The following SLCO1C1 variants were observed in gnomAD, a reference collection of about 807,000 sequenced individuals.
SLCO1C1 encodes OAT-RP-5.
SLCO1C1 carries 70 observed loss-of-function variants against 76.4 expected under a neutral mutation model. The ratio of observed to expected loss-of-function variants is 0.92; its 90% CI spans 0.76 to 1.12. The LOEUF (loss-of-function observed/expected upper bound fraction) is 1.12. SLCO1C1 is among the 50% of genes most tolerant of loss of function. SLCO1C1 has a pLI of 0.00. For missense variants in SLCO1C1, 912 were observed against 823.8 expected (o/e 1.11, Z -1.31); for synonymous variants, 306 against 286.1 (o/e 1.07, Z -0.70).
At chr12:20,742,079 A>G (rs1242972232) in intron 12 of SLCO1C1, among the ~76,000 whole-genome samples, 1 of 152,210 alleles carries the variant, frequency 6.6e-6, no homozygotes, top group Non-Finnish European at 1.5e-5. Flanking sequence ...GCTTTCACCA[A>G]ATATGGGAAA....
chr12:20,724,437 ATATATATATATATATG>A (rs1204703382), intron 9 of SLCO1C1, among the ~76,000 whole-genome samples: 3,720 of 125,408 alleles, frequency 0.03, 145 homozygotes, highest in African/African-American at 0.1. Flanking sequence ...ATATATATAT[ATATATATATATATATG>A]TGTGTGTGTG....
In SLCO1C1 at chr12:20,752,446, C is replaced by A; in HGVS notation, c.2057C>A (p.Thr686Lys). 2 of 1,613,372 alleles carry A rather than the reference C, an allele frequency of 1.2e-6. No homozygotes were observed. The highest frequency in any genetic ancestry group is 1.7e-6 in the Non-Finnish European group (2 of 1,179,586). Reference protein sequence around the residue: ...ITKRERTMVSTRFQKENYTTS... With the variant: ...ITKRERTMVSKRFQKENYTTS... Reference sequence around the variant, plus strand: ...AAGAGAGAAAGAACAATGGTGTCTACAAGATTCCAAAAGGAAAATTACACT... The same window carrying A: ...AAGAGAGAAAGAACAATGGTGTCTAAAAGATTCCAAAAGGAAAATTACACT... Residue 686 changes from threonine (T) to lysine (K), a missense_variant, in exon 15 of 15, where the codon ACA becomes AAA. Thr to Lys is a moderately conservative substitution (Grantham distance 78, BLOSUM62 -1). Coordinates refer to ENST00000266509, the MANE Select transcript of SLCO1C1 (RefSeq NM_017435.5).
Position 20,740,164 on chromosome 12 carries a change from T to A in SLCO1C1, c.1549-20T>A. On this transcript the variant is annotated intron_variant, in intron 11 of 14. Coordinates refer to ENST00000266509, the MANE Select transcript of SLCO1C1 (RefSeq NM_017435.5). The stretch of plus-strand genomic sequence containing the variant: ...TTAAATGTTACTGAAATAATTGGAC[T>A]TTTCCCTATCGTGTTACAGATATTT... 6.3e-7 allele frequency: 1 copy of A among 1,585,848 alleles called. No individual in the cohort carries two copies. Among genetic ancestry groups the A allele is most frequent in the Non-Finnish European group, 8.6e-7 (1 of 1,168,568 alleles).
intron 12 of SLCO1C1, among the ~76,000 whole-genome samples, chr12:20,742,320 GAAGAA>G (rs1220336031): frequency 7.2e-6 from 1 of 138,770 alleles, no homozygotes; most frequent in Non-Finnish European, 1.6e-5. Flanking sequence ...TTGGGTTGAA[GAAGAA>G]AAGTCATGTT....
chr12:20,752,156 A>C (rs1949335659), intron 14 of SLCO1C1, 150 bp from the exon 15 acceptor site: 1 of 511,972 alleles, frequency 2.0e-6, no homozygotes, highest in Admixed American at 3.6e-5. Context: ...TGCCTTCAAC[A>C]GTCTGTCAGT....
chr12:20,712,128 C>T (rs930048781), intron 5 of SLCO1C1, among the ~76,000 whole-genome samples: 10 of 152,106 alleles, frequency 6.6e-5, no homozygotes, highest in African/African-American at 2.4e-4. Context: ...TTTTTTCTCA[C>T]AGCAGCTCTC....
chr12:20,739,412 A>G (rs1948699714), intron 11 of SLCO1C1, among the ~76,000 whole-genome samples: 1 of 151,556 alleles, frequency 6.6e-6, no homozygotes, highest in Admixed American at 6.6e-5. Flanking sequence ...TTTTTTTTAA[A>G]TGGATAGTCA....
At chr12:20,717,817 T>C (rs1332312507) in intron 7 of SLCO1C1, among the ~76,000 whole-genome samples, 3 of 151,868 alleles carry the variant, frequency 2.0e-5, no homozygotes, top group African/African-American at 4.8e-5. Context: ...TTTCCATAGC[T>C]AATAACTTGT....
At chr12:20,704,328 G>T (rs1946675086) in intron 3 of SLCO1C1, among the ~76,000 whole-genome samples, 1 of 86,674 alleles carries the variant, frequency 1.2e-5, no homozygotes, top group Non-Finnish European at 2.5e-5. Flanking sequence ...GAAATAGCTT[G>T]TAAACAGAAG....
chr12:20,732,642 T>C (rs1245064306), intron 9 of SLCO1C1, among the ~76,000 whole-genome samples: 1 of 152,204 alleles, frequency 6.6e-6, no homozygotes, highest in Non-Finnish European at 1.5e-5. Flanking sequence ...AATGCTGGAA[T>C]TGGACCAGAA....
chr12:20,736,311 T>G (rs1948534969), intron 10 of SLCO1C1, among the ~76,000 whole-genome samples: 1 of 135,300 alleles, frequency 7.4e-6, no homozygotes. Context: ...CACAATTTTG[T>G]GAAATAACTC....
chr12:20,709,106 T>A (rs1219194649), intron 4 of SLCO1C1, among the ~76,000 whole-genome samples: 1 of 152,134 alleles, frequency 6.6e-6, no homozygotes, highest in African/African-American at 2.4e-5. Flanking sequence ...CAAAATTTCA[T>A]ACATCAAAGT....
intron 5 of SLCO1C1, among the ~76,000 whole-genome samples, chr12:20,712,425 C>T (rs1947154414): frequency 6.6e-6 from 1 of 152,150 alleles, no homozygotes; most frequent in Non-Finnish European, 1.5e-5. Context: ...ATTTTCCTTA[C>T]TCAGAGTAGC....
chr12:20,716,231 C>T (rs543718798), intron 6 of SLCO1C1, among the ~76,000 whole-genome samples: 1 of 152,158 alleles, frequency 6.6e-6, no homozygotes, highest in African/African-American at 2.4e-5. Flanking sequence ...CAGAAAACTT[C>T]AGTAAAATCA....
chr12:20,732,972 T>A lies in SLCO1C1; in HGVS notation c.1250T>A (p.Phe417Tyr), dbSNP rs1188975675. The change falls in exon 10 of 15, where the codon TTC (phenylalanine) becomes TAC (tyrosine). Residue 417 changes from phenylalanine (F) to tyrosine (Y), a missense_variant. Phe to Tyr is a conservative substitution (Grantham distance 22). Transcript: ENST00000266509. ...IFSGGIVMKK[F>Y]RISVCGAAKL... is the part of the protein sequence containing the mutation. ...TCTGGGGGGATAGTTATGAAAAAAT[T>A]CAGAATCAGTGTGTGTGGAGCTGCA... 3 of 1,614,026 alleles carry A rather than the reference T, an allele frequency of 1.9e-6. No individual in the cohort carries two copies. The East Asian group carries it at 6.7e-5, about 36-fold the overall frequency.
intron 13 of SLCO1C1, among the ~76,000 whole-genome samples, chr12:20,747,752 G>A (rs1026048860): frequency 6.6e-6 from 1 of 151,988 alleles, no homozygotes; most frequent in African/African-American, 2.4e-5. Context: ...TGCTCTTCTT[G>A]TTCTTGGGGT....
In SLCO1C1 at chr12:20,735,828, T is replaced by C. The variant is rs534842075; in HGVS notation, c.1383-1279T>C. Among the ~76,000 whole-genome samples, 11 of 152,280 alleles carry C rather than the reference T, an allele frequency of 7.2e-5. 1 individual carries two copies. The South Asian group carries it at 2.3e-3, about 32-fold the overall frequency. On this transcript the variant is annotated intron_variant, in intron 10 of 14. Coordinates refer to ENST00000266509, the MANE Select transcript of SLCO1C1 (RefSeq NM_017435.5). The stretch of plus-strand genomic sequence containing the variant: ...CCAAAATAAAGTACCATTTTTTAAT[T>C]GACTAACTTACTGGAAATTTTGTTT...
At chr12:20,750,839 G>T (rs1015478726) in intron 14 of SLCO1C1, 47 bp downstream of exon 14, 4 of 1,613,862 alleles carry the variant, frequency 2.5e-6, no homozygotes, top group Non-Finnish European at 3.4e-6. Flanking sequence ...CAGCATCCCA[G>T]ATTTACACAA....
At chr12:20,701,564 C>G in intron 3 of SLCO1C1, 105 bp downstream of exon 3, 2 of 619,686 alleles carry the variant, frequency 3.2e-6, no homozygotes, top group Non-Finnish European at 4.6e-6. Context: ...AGACTCTATT[C>G]ATAAAATCTT....
Sources: allele counts gnomAD v4.1 joint callset (sites outside exome capture counted in the v4.1 genomes callset), GRCh38; gene constraint gnomAD v4.1.1; transcripts MANE v1.5; gene names NCBI Gene and HGNC (gene_info 2026-07-23, HGNC 2026-07-21).